The following TRAPPC9 variants were observed in gnomAD, a reference collection of about 807,000 sequenced individuals.
The protein encoded by TRAPPC9 is trafficking protein particle complex subunit 9.
TRAPPC9 carries 83 observed loss-of-function variants against 124.0 expected under a neutral mutation model. That is an observed-to-expected ratio of 0.67 (90% confidence interval 0.56 to 0.80). The LOEUF is 0.80. Ranked by LOEUF, TRAPPC9 falls within the 30% of genes least tolerant of loss-of-function variation. The probability of loss-of-function intolerance (pLI) is 0.00; values close to 1 mark genes in which losing one functional copy is unlikely to be tolerated. For missense variants in TRAPPC9, 1,302 were observed against 1,508.3 expected (o/e 0.86, Z 2.27); for synonymous variants, 638 against 617.5 (o/e 1.03, Z -0.49).
At chr8:140,024,244 C>A (rs1031854380) in intron 17 of TRAPPC9, among the ~76,000 whole-genome samples, 165 bp from the exon 18 acceptor site, 3 of 151,950 alleles carry the variant, frequency 2.0e-5, no homozygotes, top group Non-Finnish European at 2.9e-5. Context: ...CCGACTCACA[C>A]CCCCGGCGGG....
chr8:140,300,563 T>G lies in TRAPPC9; in HGVS notation c.1674A>C (p.Lys558Asn). The G allele has an allele frequency of 1.2e-6, 2 of 1,614,194 alleles. No homozygotes were observed. Among genetic ancestry groups the G allele is most frequent in the Non-Finnish European group, 1.7e-6 (2 of 1,180,024 alleles). ...LPASLRPHKM[K>N]SLLGQNVSTK... ...TTGACACGTTCTGACCCAGCAAGCT[T>G]TTCATTTTGTGTGGCCGGAGGCTAG... The change falls in exon 11 of 23, where the codon AAA becomes AAC. Residue 558 changes from lysine (K) to asparagine (N), a missense_variant. Transcript: ENST00000438773.
intron 18 of TRAPPC9, among the ~76,000 whole-genome samples, chr8:140,000,152 G>A (rs189596163): frequency 2.6e-5 from 4 of 152,226 alleles, no homozygotes; most frequent in Admixed American, 2.6e-4. Flanking sequence ...TATTTAATAA[G>A]TGGTGCTGGG....
At chr8:140,129,000 T>A (rs2061151128) in intron 17 of TRAPPC9, among the ~76,000 whole-genome samples, 1 of 135,872 alleles carries the variant, frequency 7.4e-6, no homozygotes, top group African/African-American at 2.7e-5. Flanking sequence ...TATATATATA[T>A]ATATTAAAAA....
chr8:140,166,774 C>A (rs376256536), intron 17 of TRAPPC9, among the ~76,000 whole-genome samples: 1 of 152,202 alleles, frequency 6.6e-6, no homozygotes, highest in African/African-American at 2.4e-5. Context: ...CTTGCCTATC[C>A]GTCTTTTTCT....
At chr8:140,450,352 C>T (rs1478372391) in intron 2 of TRAPPC9, among the ~76,000 whole-genome samples, 2 of 152,064 alleles carry the variant, frequency 1.3e-5, no homozygotes, top group African/African-American at 2.4e-5. Context: ...CAGAGTAAGA[C>T]TCTGTCTCAA....
At chr8:139,993,899 T>C (rs1299641920) in intron 18 of TRAPPC9, among the ~76,000 whole-genome samples, 1 of 152,152 alleles carries the variant, frequency 6.6e-6, no homozygotes, top group Non-Finnish European at 1.5e-5. Context: ...AGACACAGTG[T>C]GGAAGAATAT....
chr8:139,866,013 G>A (rs1828509817), intron 21 of TRAPPC9, among the ~76,000 whole-genome samples: 1 of 134,496 alleles, frequency 7.4e-6, no homozygotes, highest in African/African-American at 3.1e-5. Flanking sequence ...AAAGGGGTGG[G>A]GACATGGGGG....
intron 17 of TRAPPC9, 136 bp from the exon 18 acceptor site, chr8:140,024,215 C>T (rs1563697951): frequency 2.6e-6 from 3 of 1,132,510 alleles, no homozygotes; most frequent in Non-Finnish European, 3.9e-6. Context: ...CATTGGCCGA[C>T]TCACAACCCC....
chr8:140,018,324 A>ATTTTTTCTTTTTTCT (rs765656679), intron 18 of TRAPPC9, among the ~76,000 whole-genome samples: 2 of 119,778 alleles, frequency 1.7e-5, no homozygotes, highest in African/African-American at 6.5e-5. Context: ...AACGTAAGTG[A>ATTTTTTCTTTTTTCT]TTTTTTTTTT....
At chr8:140,273,332 A>G (rs945820377) in intron 15 of TRAPPC9, among the ~76,000 whole-genome samples, 10 of 152,196 alleles carry the variant, frequency 6.6e-5, no homozygotes, top group Non-Finnish European at 1.2e-4. Flanking sequence ...GCCATTGTTC[A>G]TAGCGATTCT....
rs549447654 is a variant in TRAPPC9 at position 140,140,464 on chromosome 8, T to C, written c.2556+80995A>G. ...TGTTTTGGCCTGGATATTTAATACCTTGCTTTCCCCAGTATGCTTGGTGTT... is the reference window on the plus strand; with the variant it reads ...TGTTTTGGCCTGGATATTTAATACCCTGCTTTCCCCAGTATGCTTGGTGTT... On this transcript the variant is annotated intron_variant, in intron 17 of 22. Coordinates refer to ENST00000438773, the MANE Select transcript of TRAPPC9 (RefSeq NM_001160372.4). Among the ~76,000 whole-genome samples the C allele has an allele frequency of 3.3e-5, 5 of 152,330 alleles. No homozygotes were observed. In the East Asian group the frequency reaches 9.6e-4, roughly 29 times the overall value.
At position 140,128,655 on chromosome 8, in the gene TRAPPC9, C is replaced by T. The variant is rs2061141808; in HGVS notation, c.2556+92804G>A. ...TCCCGTGGGGTGGGGATTATCAGTG[C>T]TACACTTTTCAAGAGAAAACTGGGA... On this transcript the variant is annotated intron_variant, in intron 17 of 22. Coordinates refer to ENST00000438773, the MANE Select transcript of TRAPPC9 (RefSeq NM_001160372.4). Among the ~76,000 whole-genome samples, 3 of 152,320 alleles carry T rather than the reference C, an allele frequency of 2.0e-5. No homozygotes were observed. The South Asian group carries it at 6.2e-4, about 32-fold the overall frequency.
intron 17 of TRAPPC9, among the ~76,000 whole-genome samples, chr8:140,132,134 G>A (rs982396674): frequency 1.3e-5 from 2 of 152,122 alleles, no homozygotes; most frequent in African/African-American, 4.8e-5. Flanking sequence ...AGACCCTGTT[G>A]CCTGGAAACT....
intron 19 of TRAPPC9, among the ~76,000 whole-genome samples, chr8:139,978,483 A>G (rs756883752): frequency 9.8e-5 from 15 of 152,386 alleles, no homozygotes; most frequent in Non-Finnish European, 1.9e-4. Context: ...ATTAAATATG[A>G]AAATGTTTAC....
chr8:140,176,764 A>G (rs554309242), intron 17 of TRAPPC9, among the ~76,000 whole-genome samples: 1 of 152,338 alleles, frequency 6.6e-6, no homozygotes, highest in African/African-American at 2.4e-5. Flanking sequence ...ACTATTTTAC[A>G]TTCTCATTCA....
chr8:139,841,118 G>C (rs563259072), intron 21 of TRAPPC9, among the ~76,000 whole-genome samples: 2 of 152,138 alleles, frequency 1.3e-5, no homozygotes, highest in African/African-American at 4.8e-5. Flanking sequence ...TCTACCCCTC[G>C]CTTGCCTTTT....
intron 17 of TRAPPC9, among the ~76,000 whole-genome samples, chr8:140,185,747 C>T (rs747524225): frequency 6.6e-6 from 1 of 152,302 alleles, no homozygotes; most frequent in Admixed American, 6.5e-5. Context: ...GCGCCATGCT[C>T]GGGAACCCGG....
At chr8:139,989,806 C>T (rs752565971) in intron 18 of TRAPPC9, among the ~76,000 whole-genome samples, 2 of 152,178 alleles carry the variant, frequency 1.3e-5, no homozygotes, top group African/African-American at 4.8e-5. Context: ...ACGCGCCGTC[C>T]GTGTCCGTCA....
At chr8:140,058,354 T>C (rs910681579) in intron 17 of TRAPPC9, among the ~76,000 whole-genome samples, 7 of 152,180 alleles carry the variant, frequency 4.6e-5, no homozygotes, top group Non-Finnish European at 1.0e-4. Context: ...TGGCGAAATT[T>C]CCTCCATTGA....
Sources: allele counts gnomAD v4.1 joint callset (sites outside exome capture counted in the v4.1 genomes callset), GRCh38; gene constraint gnomAD v4.1.1; transcripts MANE v1.5; gene names NCBI Gene and HGNC (gene_info 2026-07-23, HGNC 2026-07-21).